Variants in GRID2 observed in about 807,000 individuals in gnomAD.
GRID2 encodes glutamate receptor ionotropic, delta-2.
A neutral mutation model predicts 114.8 loss-of-function variants in GRID2; 33 were observed. The ratio of observed to expected loss-of-function variants is 0.29; its 90% CI spans 0.22 to 0.38. GRID2 has a LOEUF of 0.38. GRID2 is among the 10% of genes least tolerant of loss of function. The pLI is 1.00. For synonymous variants in GRID2, 505 were observed against 449.9 expected (o/e 1.12, Z -1.55); for missense variants, 1,184 against 1,257.7 (o/e 0.94, Z 0.89).
chr4:92,871,593 C>G (rs913459584), intron 2 of GRID2, among the ~76,000 whole-genome samples: 1 of 152,158 alleles, frequency 6.6e-6, no homozygotes, highest in African/African-American at 2.4e-5. Flanking sequence ...TACTGACACT[C>G]ATGAGTCAAG....
chr4:93,448,806 C>A (rs1329297736), intron 10 of GRID2, among the ~76,000 whole-genome samples: 1 of 10,986 alleles, frequency 9.1e-5, no homozygotes, highest in Admixed American at 6.2e-4. Context: ...CTTCCCTTCC[C>A]TTCCCTTCCC....
chr4:93,789,555 T>A (rs1734657120), intron 1 of GRID2, among the ~76,000 whole-genome samples: 1 of 152,220 alleles, frequency 6.6e-6, no homozygotes, highest in Non-Finnish European at 1.5e-5. Context: ...ATTCTTCTAA[T>A]ATTTTTGGTG....
chr4:93,208,561 A>G (rs983194218), intron 5 of GRID2, among the ~76,000 whole-genome samples: 1 of 152,002 alleles, frequency 6.6e-6, no homozygotes. Context: ...TACTGAGGGA[A>G]TGAGGTCCAT....
chr4:93,027,056 CT>C (rs1310579182), intron 2 of GRID2, among the ~76,000 whole-genome samples: 1 of 151,970 alleles, frequency 6.6e-6, no homozygotes, highest in Non-Finnish European at 1.5e-5. Context: ...GGCAAATCAA[CT>C]GTGGAATGCG....
chr4:92,839,868 C>A (rs1742751319), intron 2 of GRID2, among the ~76,000 whole-genome samples: 1 of 151,946 alleles, frequency 6.6e-6, no homozygotes. Context: ...TCTGAGGTTT[C>A]TTTGTTATTT....
At chr4:93,627,877 A>G (rs1742868824) in intron 14 of GRID2, among the ~76,000 whole-genome samples, 1 of 152,176 alleles carries the variant, frequency 6.6e-6, no homozygotes, top group Non-Finnish European at 1.5e-5. Flanking sequence ...AGGAAGGAGT[A>G]AAGGATTATG....
intron 10 of GRID2, among the ~76,000 whole-genome samples, chr4:93,433,852 C>G (rs150803735): frequency 1.6e-4 from 25 of 152,326 alleles, no homozygotes; most frequent in Non-Finnish European, 3.2e-4. Context: ...CTAGTCCCTT[C>G]ATTTTTTACA....
At chr4:93,228,494 T>C (rs1745756146) in intron 7 of GRID2, among the ~76,000 whole-genome samples, 1 of 152,168 alleles carries the variant, frequency 6.6e-6, no homozygotes, top group Admixed American at 6.6e-5. Context: ...TTTCAAACCA[T>C]AGTAATGCTG....
chr4:92,880,210 A>G (rs1176642984), intron 2 of GRID2, among the ~76,000 whole-genome samples: 1 of 152,138 alleles, frequency 6.6e-6, no homozygotes, highest in African/African-American at 2.4e-5. Context: ...ATGAAAATGA[A>G]ATATTTTTGG....
intron 1 of GRID2, among the ~76,000 whole-genome samples, chr4:92,502,024 G>A (rs1333805590): frequency 6.6e-6 from 1 of 152,040 alleles, no homozygotes; most frequent in African/African-American, 2.4e-5. Flanking sequence ...TCTAAGCAGA[G>A]TAGCTTAACT....
intron 1 of GRID2, among the ~76,000 whole-genome samples, chr4:92,387,010 A>G (rs937919046): frequency 1.1e-4 from 16 of 151,950 alleles, no homozygotes; most frequent in African/African-American, 3.6e-4. Flanking sequence ...AATGTGCTGA[A>G]CAAAACCTAA....
At chr4:93,189,603 G>A (rs1740773538) in intron 4 of GRID2, among the ~76,000 whole-genome samples, 1 of 152,108 alleles carries the variant, frequency 6.6e-6, no homozygotes, top group South Asian at 2.1e-4. Context: ...ATAATTCAAT[G>A]TGTACTTTCA....
At chr4:93,288,384 G>A (rs1192246228) in intron 8 of GRID2, among the ~76,000 whole-genome samples, 4 of 152,152 alleles carry the variant, frequency 2.6e-5, no homozygotes, top group Admixed American at 1.3e-4. Context: ...TGTCAGCTGG[G>A]TTTCTGGTGC....
chr4:92,713,748 CCAT>C (rs1198196444), intron 2 of GRID2, among the ~76,000 whole-genome samples: 1 of 151,686 alleles, frequency 6.6e-6, no homozygotes, highest in Non-Finnish European at 1.5e-5. Context: ...TTTTATAAAA[CCAT>C]CAGATCTCAT....
intron 2 of GRID2, among the ~76,000 whole-genome samples, chr4:93,053,866 T>G (rs1726961816): frequency 6.6e-6 from 1 of 151,966 alleles, no homozygotes; most frequent in Admixed American, 6.6e-5. Context: ...CAAGATCAAT[T>G]AACAATATGT....
intron 2 of GRID2, among the ~76,000 whole-genome samples, chr4:92,713,543 GTTTTCA>G (rs1560548056): frequency 4.3e-5 from 5 of 115,500 alleles, no homozygotes; most frequent in Non-Finnish European, 8.7e-5. Flanking sequence ...CTTGGATAGT[GTTTTCA>G]TGCTGGATTA....
chr4:92,543,332 A>C (rs544529704), intron 1 of GRID2, among the ~76,000 whole-genome samples: 1 of 152,282 alleles, frequency 6.6e-6, no homozygotes, highest in South Asian at 2.1e-4. Flanking sequence ...GAGAATAAGA[A>C]GGTAAATGTT....
At chr4:93,279,446 A>C (rs1752417507) in intron 8 of GRID2, among the ~76,000 whole-genome samples, 1 of 151,864 alleles carries the variant, frequency 6.6e-6, no homozygotes, top group Admixed American at 6.6e-5. Flanking sequence ...GGTCATCCTA[A>C]GCAATTTGAG....
chr4:92,496,843 C>T (rs891731280), intron 1 of GRID2, among the ~76,000 whole-genome samples: 1 of 151,454 alleles, frequency 6.6e-6, no homozygotes, highest in Non-Finnish European at 1.5e-5. Flanking sequence ...GTTAAAAGAT[C>T]CTCCAGATAT....
Sources: allele counts gnomAD v4.1 joint callset (sites outside exome capture counted in the v4.1 genomes callset), GRCh38; gene constraint gnomAD v4.1.1; transcripts MANE v1.5; gene names NCBI Gene and HGNC (gene_info 2026-07-23, HGNC 2026-07-21).